The following C12orf54 variants were observed in gnomAD, a reference collection of about 807,000 sequenced individuals.
C12orf54 encodes uncharacterized protein C12orf54.
In C12orf54, 24 loss-of-function variants were observed where a neutral mutation model predicts 26.4. The ratio of observed to expected loss-of-function variants is 0.91; its 90% confidence interval spans 0.66 to 1.28. The LOEUF is 1.28. C12orf54 is among the 50% of genes most tolerant of loss of function. The pLI is 0.00. For synonymous variants in C12orf54, 54 were observed against 47.0 expected (o/e 1.15, Z -0.61); for missense variants, 154 against 150.9 (o/e 1.02, Z -0.11).
At chr12:48,435,964 A>C in the C12orf54 span, among the ~76,000 whole-genome samples, 2,660 of 152,320 alleles carry the variant, frequency 0.017, 83 homozygotes, top group African/African-American at 0.06. Flanking sequence ...ACAGACTGGC[A>C]AATTGGATAA....
At chr12:48,438,360 A>C in the C12orf54 span, among the ~76,000 whole-genome samples, 11 of 152,362 alleles carry the variant, frequency 7.2e-5, no homozygotes, top group South Asian at 8.3e-4. Flanking sequence ...TGCCATCCCC[A>C]TCAAGCTACC....
the C12orf54 span, among the ~76,000 whole-genome samples, chr12:48,456,989 C>G: frequency 6.6e-6 from 1 of 152,070 alleles, no homozygotes; most frequent in African/African-American, 2.4e-5. Flanking sequence ...TGTGATCCTA[C>G]TGTTAAAATC....
the C12orf54 span, among the ~76,000 whole-genome samples, chr12:48,465,605 T>A: frequency 9.8e-4 from 149 of 152,168 alleles, no homozygotes; most frequent in Middle Eastern, 0.02. Context: ...TGTAAAGACA[T>A]ATGCATGCAT....
chr12:48,431,316 G>T, the C12orf54 span, among the ~76,000 whole-genome samples: 1 of 152,066 alleles, frequency 6.6e-6, no homozygotes, highest in Non-Finnish European at 1.5e-5. Flanking sequence ...AAAAAAGAAT[G>T]TATATTAAAA....
At chr12:48,447,384 G>T in the C12orf54 span, among the ~76,000 whole-genome samples, 1 of 152,098 alleles carries the variant, frequency 6.6e-6, no homozygotes, top group Non-Finnish European at 1.5e-5. Flanking sequence ...CTAGACTATG[G>T]TGTTTTGCTA....
chr12:48,449,744 A>G, the C12orf54 span, among the ~76,000 whole-genome samples: 1 of 152,216 alleles, frequency 6.6e-6, no homozygotes, highest in Non-Finnish European at 1.5e-5. Flanking sequence ...ATGGATATTA[A>G]TAAAACATCT....
At chr12:48,489,051 A>T in intron 5 of C12orf54, 95 bp downstream of exon 5, 1 of 1,181,626 alleles carries the variant, frequency 8.5e-7, no homozygotes, top group Non-Finnish European at 1.3e-6. Flanking sequence ...GCCTCTGACC[A>T]AGGTTTTAGC....
the C12orf54 span, among the ~76,000 whole-genome samples, chr12:48,434,351 A>AC: frequency 2.0e-5 from 3 of 152,186 alleles, no homozygotes; most frequent in African/African-American, 7.2e-5. Flanking sequence ...GCACAGACAA[A>AC]CAAAAGACAG....
chr12:48,481,056 G>A (rs984694064), upstream of C12orf54, among the ~76,000 whole-genome samples: 2 of 41,100 alleles, frequency 4.9e-5, no homozygotes, highest in Admixed American at 5.9e-4. Flanking sequence ...CAAAAGAAGG[G>A]AGGGAGGGGG....
the C12orf54 span, among the ~76,000 whole-genome samples, chr12:48,445,989 T>C: frequency 1.3e-5 from 2 of 152,148 alleles, no homozygotes; most frequent in African/African-American, 4.8e-5. Context: ...GGAAAGGAAG[T>C]GCCTGATGGA....
the C12orf54 span, among the ~76,000 whole-genome samples, chr12:48,453,544 T>C: frequency 4.7e-5 from 2 of 42,306 alleles, no homozygotes; most frequent in African/African-American, 9.7e-5. Flanking sequence ...CACATACATA[T>C]ATATACACAT....
chr12:48,421,619 T>C, the C12orf54 span, among the ~76,000 whole-genome samples: 1 of 126,704 alleles, frequency 7.9e-6, no homozygotes, highest in African/African-American at 2.9e-5. Context: ...AACCTCCACC[T>C]CCCCAGTTCA....
intron 2 of C12orf54, 68 bp downstream of exon 2, chr12:48,483,429 C>T (rs1333127367): frequency 1.4e-6 from 2 of 1,471,574 alleles, no homozygotes; most frequent in Non-Finnish European, 1.9e-6. Context: ...AGAACCAGGG[C>T]CTCCTGTCTT....
At chr12:48,417,969 G>A in the C12orf54 span, among the ~76,000 whole-genome samples, 1 of 152,086 alleles carries the variant, frequency 6.6e-6, no homozygotes, top group African/African-American at 2.4e-5. Flanking sequence ...CACGTTTTCT[G>A]TATCCAATCC....
the C12orf54 span, among the ~76,000 whole-genome samples, chr12:48,432,191 A>G: frequency 2.0e-5 from 3 of 152,246 alleles, no homozygotes; most frequent in African/African-American, 7.2e-5. Flanking sequence ...AACAAATTAA[A>G]TGACAAAAAC....
chr12:48,473,129 C>T, the C12orf54 span: 2 of 1,608,846 alleles, frequency 1.2e-6, no homozygotes, highest in Admixed American at 1.7e-5. Flanking sequence ...ACAAGGAGGC[C>T]CCTAACTCGG....
the C12orf54 span, among the ~76,000 whole-genome samples, chr12:48,475,450 C>G: frequency 6.6e-6 from 1 of 151,092 alleles, no homozygotes; most frequent in African/African-American, 2.4e-5. Flanking sequence ...CTACTCTGAG[C>G]TACAGGAGGA....
chr12:48,449,227 A>T, the C12orf54 span, among the ~76,000 whole-genome samples: 1 of 152,164 alleles, frequency 6.6e-6, no homozygotes, highest in Non-Finnish European at 1.5e-5. Flanking sequence ...TCTCTTCAGG[A>T]GTGGGAAGGC....
the C12orf54 span, among the ~76,000 whole-genome samples, chr12:48,448,392 G>C: frequency 1.3e-5 from 2 of 152,058 alleles, no homozygotes; most frequent in Admixed American, 6.5e-5. Context: ...AAATTACCTT[G>C]TTTTCATTCA....
Sources: allele counts gnomAD v4.1 joint callset (sites outside exome capture counted in the v4.1 genomes callset), GRCh38; gene constraint gnomAD v4.1.1; transcripts MANE v1.5; gene names NCBI Gene and HGNC (gene_info 2026-07-23, HGNC 2026-07-21).